The following SYTL2 variants were observed in gnomAD, a reference collection of about 807,000 sequenced individuals.
SYTL2 encodes synaptotagmin-like protein 2.
SYTL2 carries 165 observed loss-of-function variants against 198.7 expected under a neutral mutation model. That is an observed-to-expected ratio of 0.83 (90% confidence interval 0.73 to 0.94). The LOEUF (loss-of-function observed/expected upper bound fraction) is 0.94, where lower values mean the gene tolerates loss of function less well. Ranked by LOEUF, SYTL2 falls within the 40% of genes least tolerant of loss-of-function variation. The pLI is 0.00. For synonymous variants in SYTL2, 966 were observed against 917.7 expected (o/e 1.05, Z -0.95); for missense variants, 2,835 against 2,582.8 (o/e 1.10, Z -2.12).
At chr11:85,785,410 C>T (rs558457184) in intron 1 of SYTL2, among the ~76,000 whole-genome samples, 67 of 152,250 alleles carry the variant, frequency 4.4e-4, no homozygotes, top group African/African-American at 1.3e-3. Flanking sequence ...TGCCTTTTCC[C>T]TTAACTATTA....
chr11:85,755,654 G>C (rs1386336021), intron 2 of SYTL2, among the ~76,000 whole-genome samples: 2 of 152,066 alleles, frequency 1.3e-5, no homozygotes, highest in Non-Finnish European at 2.9e-5. Flanking sequence ...CATTTTTTGA[G>C]GATATTTTCA....
At chr11:85,767,891 C>T (rs2092276138) in intron 1 of SYTL2, among the ~76,000 whole-genome samples, 1 of 152,130 alleles carries the variant, frequency 6.6e-6, no homozygotes, top group African/African-American at 2.4e-5. Flanking sequence ...CTGCTCAAAT[C>T]CAGGACCTAT....
Position 85,709,232 on chromosome 11 carries a change from A to G in SYTL2, c.5915+99T>C, listed in dbSNP as rs1441056326. ...ACTTTTCAAACATTCCTCTTAACAC[A>G]TACCCTCCCTCCTCTTGATTACTTT... On this transcript the variant is annotated intron_variant, in intron 14 of 19. Transcript: ENST00000359152. 3.4e-6 allele frequency: 4 copies of G among 1,178,218 alleles called. No individual in the cohort carries two copies. In the Admixed American group the frequency reaches 5.7e-5, roughly 17 times the overall value. The allele number at this position is 1,178,218 out of a possible 1,614,324, so 73.0% of individuals were successfully genotyped here.
chr11:85,735,693 G>C (rs1025331790), intron 6 of SYTL2, among the ~76,000 whole-genome samples: 3 of 151,998 alleles, frequency 2.0e-5, no homozygotes, highest in Non-Finnish European at 2.9e-5. Flanking sequence ...GGAGGCGAAG[G>C]GTGCAGTGAG....
intron 12 of SYTL2, among the ~76,000 whole-genome samples, 161 bp downstream of exon 12, chr11:85,714,252 T>A (rs751036982): frequency 5.9e-5 from 9 of 152,254 alleles, no homozygotes; most frequent in Non-Finnish European, 1.2e-4. Flanking sequence ...CCTTTCCCTG[T>A]TCCAGGATGA....
chr11:85,821,508 G>A, the SYTL2 span, among the ~76,000 whole-genome samples: 1 of 152,162 alleles, frequency 6.6e-6, no homozygotes, highest in Non-Finnish European at 1.5e-5. Flanking sequence ...CAAAGAAGGC[G>A]AGTGTTAGGA....
At position 85,734,052 on chromosome 11, in the gene SYTL2, T is replaced by G. The variant is rs778109317; in HGVS notation, c.1277A>C (p.Glu426Ala). Reference sequence around the variant, plus strand: ...AGACTGTGGTCTTGCAGTTAAAACTTCTGAATGAGAATGCAGCCCATTAAT... The same window carrying G: ...AGACTGTGGTCTTGCAGTTAAAACTGCTGAATGAGAATGCAGCCCATTAAT... ...FPINGLHSHS[E>A]VLTARPQSME... Residue 426 changes from glutamate (E) to alanine (A), a missense_variant, in exon 7 of 20, where the codon GAA (glutamate) becomes GCA (alanine). Coordinates refer to ENST00000359152, the MANE Select transcript of SYTL2 (RefSeq NM_206927.4). 32 of 1,614,000 alleles carry G rather than the reference T, an allele frequency of 2.0e-5. No individual in the cohort carries two copies. In the African/African-American group the frequency reaches 3.6e-4, roughly 18 times the overall value.
At chr11:85,827,397 C>G in the SYTL2 span, among the ~76,000 whole-genome samples, 1 of 152,228 alleles carries the variant, frequency 6.6e-6, no homozygotes, top group South Asian at 2.1e-4. Flanking sequence ...CAGCTCACCT[C>G]ACTACCCCTA....
chr11:85,759,982 G>C (rs1034422173), intron 1 of SYTL2, among the ~76,000 whole-genome samples: 2 of 152,176 alleles, frequency 1.3e-5, no homozygotes, highest in Admixed American at 1.3e-4. Context: ...GTTCCCACCA[G>C]AGTAAGCAAA....
At chr11:85,697,672 C>G (rs1452687351) in intron 18 of SYTL2, among the ~76,000 whole-genome samples, 1 of 152,172 alleles carries the variant, frequency 6.6e-6, no homozygotes, top group Non-Finnish European at 1.5e-5. Flanking sequence ...TGACATCTTA[C>G]CATTAGAAAT....
chr11:85,819,913 G>T, the SYTL2 span, among the ~76,000 whole-genome samples: 8 of 152,168 alleles, frequency 5.3e-5, 1 homozygote, highest in Non-Finnish European at 2.9e-5. Context: ...ATGAATAAGG[G>T]AAGAGACAGT....
intron 8 of SYTL2, among the ~76,000 whole-genome samples, chr11:85,722,170 ATTTT>A (rs574669583): frequency 0.032 from 3,025 of 93,966 alleles, 24 homozygotes; most frequent in East Asian, 0.077. Context: ...TGTTTAGGTG[ATTTT>A]TTTTTTTTTT....
At chr11:85,736,278 T>G (rs536591353) in intron 6 of SYTL2, among the ~76,000 whole-genome samples, 47 of 152,342 alleles carry the variant, frequency 3.1e-4, no homozygotes, top group Admixed American at 1.2e-3. Flanking sequence ...GGAAGTCACG[T>G]AACAAGTCAC....
In SYTL2 at chr11:85,725,118, G is replaced by C. The variant is rs369092268; in HGVS notation, c.4240C>G (p.Pro1414Ala). 12 of 1,614,130 alleles carry C rather than the reference G, an allele frequency of 7.4e-6. No homozygotes were observed. Among genetic ancestry groups the C allele is most frequent in the African/African-American group, 1.3e-5 (1 of 75,038 alleles). The change falls in exon 8 of 20, where the codon CCA becomes GCA. Residue 1414 changes from proline to alanine, a missense_variant. Physicochemically the swap from Pro to Ala is conservative, Grantham distance 27. Around this residue, in one of 3 missense-constraint regions of SYTL2, gnomAD observed 2,645 missense variants for 2,381.7 expected, o/e 1.11. Coordinates refer to ENST00000359152, the MANE Select transcript of SYTL2 (RefSeq NM_206927.4). ...VQPVCSPLNP[P>A]GVISPWATMD... ...GTAGCCCATGGTGATATCACTCCTG[G>C]AGGATTTAGGGGGCTACATACTGGC...
chr11:85,780,043 T>C (rs1360342746), intron 1 of SYTL2, among the ~76,000 whole-genome samples: 1 of 152,224 alleles, frequency 6.6e-6, no homozygotes, highest in African/African-American at 2.4e-5. Context: ...AGACTCCTTC[T>C]GACGATAAAA....
the SYTL2 span, among the ~76,000 whole-genome samples, chr11:85,839,463 G>C: frequency 6.6e-6 from 1 of 152,154 alleles, no homozygotes; most frequent in Non-Finnish European, 1.5e-5. Flanking sequence ...GGATTGAGGG[G>C]AGGTGGGGAT....
At chr11:85,788,201 G>A (rs1349240769) in intron 1 of SYTL2, among the ~76,000 whole-genome samples, 1 of 152,182 alleles carries the variant, frequency 6.6e-6, no homozygotes, top group African/African-American at 2.4e-5. Context: ...CCTGGCCTCT[G>A]ATGAAAATGA....
chr11:85,841,404 G>T, the SYTL2 span, among the ~76,000 whole-genome samples: 1 of 152,176 alleles, frequency 6.6e-6, no homozygotes, highest in Non-Finnish European at 1.5e-5. Flanking sequence ...CAATGGCAAA[G>T]ACATGGAATC....
intron 4 of SYTL2, among the ~76,000 whole-genome samples, chr11:85,742,523 G>A (rs577813018): frequency 6.6e-6 from 1 of 152,302 alleles, no homozygotes; most frequent in Non-Finnish European, 1.5e-5. Context: ...TATGGTTCAT[G>A]GACCAGTGCC....
Sources: allele counts gnomAD v4.1 joint callset (sites outside exome capture counted in the v4.1 genomes callset), GRCh38; gene constraint gnomAD v4.1.1; regional missense constraint gnomAD v4.1.1; transcripts MANE v1.5; gene names NCBI Gene and HGNC (gene_info 2026-07-23, HGNC 2026-07-21).